Variants in KIAA1328 observed in about 807,000 individuals in gnomAD.
The protein encoded by KIAA1328 is KIAA1328.
In KIAA1328, 52 loss-of-function variants were observed where a neutral mutation model predicts 68.1. That is an observed-to-expected ratio of 0.76 (90% CI 0.61 to 0.96). The LOEUF is 0.96. Among genes scored for constraint, KIAA1328 ranks in the 40% least tolerant of loss-of-function variants. The pLI is 0.00. For missense variants in KIAA1328, 641 were observed against 677.6 expected (o/e 0.95, Z 0.60); for synonymous variants, 232 against 239.4 (o/e 0.97, Z 0.28).
At chr18:36,897,418 G>A (rs1173536772) in intron 5 of KIAA1328, among the ~76,000 whole-genome samples, 4 of 151,912 alleles carry the variant, frequency 2.6e-5, no homozygotes, top group Admixed American at 6.6e-5. Flanking sequence ...TATTTTTTTG[G>A]TTGTATCTAT....
At chr18:37,033,160 A>G (rs775787378) in intron 6 of KIAA1328, among the ~76,000 whole-genome samples, 10 of 152,134 alleles carry the variant, frequency 6.6e-5, no homozygotes, top group African/African-American at 2.4e-4. Context: ...TTATCATTAC[A>G]TTCATGTTTT....
At chr18:37,207,703 A>G (rs1374438034) in intron 9 of KIAA1328, among the ~76,000 whole-genome samples, 2 of 152,216 alleles carry the variant, frequency 1.3e-5, no homozygotes, top group East Asian at 3.9e-4. Flanking sequence ...ATCTTAGGCT[A>G]CAGCCCAAAC....
intron 9 of KIAA1328, among the ~76,000 whole-genome samples, chr18:37,205,766 A>G (rs1021135848): frequency 1.3e-5 from 2 of 152,172 alleles, no homozygotes; most frequent in Admixed American, 1.3e-4. Context: ...TGCTTAACTA[A>G]TTCCCCAAAT....
At chr18:37,147,862 A>G (rs1040058028) in intron 7 of KIAA1328, among the ~76,000 whole-genome samples, 2 of 152,198 alleles carry the variant, frequency 1.3e-5, no homozygotes, top group African/African-American at 4.8e-5. Context: ...CTTAATAATT[A>G]TTGTGCAGAC....
intron 9 of KIAA1328, chr18:37,193,536 A>G: frequency 1.5e-6 from 1 of 688,684 alleles, no homozygotes; most frequent in Non-Finnish European, 2.6e-6. Flanking sequence ...ATGAATATTA[A>G]CAACCTATTT....
intron 6 of KIAA1328, among the ~76,000 whole-genome samples, chr18:37,015,300 A>G (rs1446442280): frequency 6.6e-6 from 1 of 152,108 alleles, no homozygotes; most frequent in Non-Finnish European, 1.5e-5. Flanking sequence ...CAAAGATCAG[A>G]TGGCTCTTGT....
chr18:37,123,348 A>C (rs1382687470), intron 7 of KIAA1328, among the ~76,000 whole-genome samples: 1 of 152,180 alleles, frequency 6.6e-6, no homozygotes, highest in Admixed American at 6.5e-5. Flanking sequence ...AATTGATCAT[A>C]ATTAGATATG....
chr18:36,844,790 A>G (rs953868911), intron 4 of KIAA1328, among the ~76,000 whole-genome samples: 6 of 151,862 alleles, frequency 4.0e-5, no homozygotes, highest in African/African-American at 9.7e-5. Context: ...AGTGATGTAT[A>G]TGAGGCTCAT....
intron 9 of KIAA1328, among the ~76,000 whole-genome samples, chr18:37,219,758 G>A (rs1471857828): frequency 6.6e-6 from 1 of 152,180 alleles, no homozygotes; most frequent in Non-Finnish European, 1.5e-5. Context: ...CTAGGAAAGG[G>A]AAGTCCCCCG....
At chr18:36,904,025 G>GA (rs1231772179) in intron 5 of KIAA1328, among the ~76,000 whole-genome samples, 1 of 152,008 alleles carries the variant, frequency 6.6e-6, no homozygotes, top group Non-Finnish European at 1.5e-5. Context: ...TCATTTCTTG[G>GA]AAAAAACAAT....
chr18:36,937,720 G>A (rs2050557335), intron 5 of KIAA1328, among the ~76,000 whole-genome samples: 2 of 151,900 alleles, frequency 1.3e-5, no homozygotes, highest in Admixed American at 6.6e-5. Flanking sequence ...GTATAGTTCT[G>A]TAGTAATACT....
At chr18:37,201,030 G>A (rs2060103822) in intron 9 of KIAA1328, among the ~76,000 whole-genome samples, 1 of 152,182 alleles carries the variant, frequency 6.6e-6, no homozygotes, top group African/African-American at 2.4e-5. Flanking sequence ...GGGAAGGGGA[G>A]ATGTCTCAGT....
chr18:37,198,503 G>A (rs1016764692), intron 9 of KIAA1328, among the ~76,000 whole-genome samples: 8 of 152,100 alleles, frequency 5.3e-5, no homozygotes, highest in African/African-American at 1.4e-4. Context: ...AGTGGTAGAA[G>A]GTAGAAGCCA....
chr18:37,110,073 A>G (rs2057887040), intron 7 of KIAA1328, among the ~76,000 whole-genome samples: 2 of 151,532 alleles, frequency 1.3e-5, no homozygotes, highest in Admixed American at 6.6e-5. Context: ...AAAATCACTT[A>G]TTTTTCAACA....
intron 7 of KIAA1328, chr18:37,074,707 A>T (rs867772036): frequency 1.3e-5 from 2 of 155,012 alleles, no homozygotes. Flanking sequence ...AATTTTTTTC[A>T]AAGTTTTCAA....
intron 2 of KIAA1328, among the ~76,000 whole-genome samples, chr18:36,834,662 A>G (rs887581601): frequency 3.3e-5 from 5 of 152,200 alleles, no homozygotes; most frequent in African/African-American, 1.2e-4. Flanking sequence ...AATATTTCAA[A>G]TAAAAGTGTG....
At chr18:36,847,399 T>G (rs1412306913) in intron 4 of KIAA1328, among the ~76,000 whole-genome samples, 1 of 151,612 alleles carries the variant, frequency 6.6e-6, no homozygotes, top group Non-Finnish European at 1.5e-5. Context: ...TTCTGTATAC[T>G]CACCAACTCT....
intron 7 of KIAA1328, among the ~76,000 whole-genome samples, chr18:37,141,671 A>T (rs558690373): frequency 6.6e-6 from 1 of 152,212 alleles, no homozygotes; most frequent in Non-Finnish European, 1.5e-5. Context: ...TGAAACTGCC[A>T]AACTGTTTTC....
chr18:37,015,358 T>G (rs920583408), intron 6 of KIAA1328, among the ~76,000 whole-genome samples: 1 of 152,220 alleles, frequency 6.6e-6, no homozygotes, highest in Non-Finnish European at 1.5e-5. Flanking sequence ...TTGGTCTACG[T>G]GTCTGTTTTT....
Sources: allele counts gnomAD v4.1 joint callset (sites outside exome capture counted in the v4.1 genomes callset), GRCh38; gene constraint gnomAD v4.1.1; transcripts MANE v1.5; gene names NCBI Gene and HGNC (gene_info 2026-07-23, HGNC 2026-07-21).